Variants in CTDSPL2 observed in about 807,000 individuals in gnomAD.
CTDSPL2 encodes the protein CTD small phosphatase-like protein 2.
A neutral mutation model predicts 60.0 loss-of-function variants in CTDSPL2; 5 were observed. That is an observed-to-expected ratio of 0.08 (90% CI 0.04 to 0.18). The LOEUF is 0.18. Among genes scored for constraint, CTDSPL2 ranks in the 10% least tolerant of loss-of-function variants. CTDSPL2 has a pLI of 1.00. For synonymous variants in CTDSPL2, 186 were observed against 189.3 expected (o/e 0.98, Z 0.14); for missense variants, 370 against 548.8 (o/e 0.67, Z 3.26).
intron 1 of CTDSPL2, among the ~76,000 whole-genome samples, chr15:44,432,213 C>T (rs1408714361): frequency 6.6e-6 from 1 of 151,782 alleles, no homozygotes; most frequent in Admixed American, 6.6e-5. Context: ...AATTGTAAGA[C>T]CTTAAAGACA....
rs1300733174 is a variant in CTDSPL2, at chr15:44,529,017, A to G, written c.*4843A>G. ...TACCTCACAGGGTTGTTGTGGGGAT[A>G]AATAAAACTTTTATGGAAGCACTTC... On this transcript the variant is annotated 3_prime_UTR_variant, in exon 13 of 13. Transcript: ENST00000260327. 2 of 152,224 alleles carry G rather than the reference A, an allele frequency of 1.3e-5. No individual in the cohort carries two copies. Among genetic ancestry groups the G allele is most frequent in the African/African-American group, 2.4e-5 (1 of 41,460 alleles). 9.4% of individuals were successfully genotyped at this position (152,224 alleles called of 1,614,324 possible). A position where few individuals can be genotyped will look rare whatever the true frequency, so the allele number is the denominator to read the frequency against.
intron 1 of CTDSPL2, among the ~76,000 whole-genome samples, chr15:44,429,963 A>G (rs1044308540): frequency 6.6e-6 from 1 of 152,224 alleles, no homozygotes; most frequent in African/African-American, 2.4e-5. Context: ...TAGGAATGTC[A>G]GGGTTTGTAT....
At chr15:44,498,923 G>A (rs2081344742) in intron 7 of CTDSPL2, among the ~76,000 whole-genome samples, 1 of 152,088 alleles carries the variant, frequency 6.6e-6, no homozygotes, top group Non-Finnish European at 1.5e-5. Context: ...AAAGTAAGAT[G>A]CTTTATAAAA....
intron 1 of CTDSPL2, among the ~76,000 whole-genome samples, chr15:44,451,202 T>G (rs1195181017): frequency 6.6e-6 from 1 of 152,056 alleles, no homozygotes; most frequent in Non-Finnish European, 1.5e-5. Context: ...CAGGCTCAAG[T>G]GATCTTCTCT....
chr15:44,512,431 T>A (rs2081582395), intron 8 of CTDSPL2, among the ~76,000 whole-genome samples: 1 of 152,172 alleles, frequency 6.6e-6, no homozygotes, highest in East Asian at 1.9e-4. Context: ...TTCTGATAGT[T>A]TATAGTTTAT....
chr15:44,503,356 A>G (rs1218991260), intron 8 of CTDSPL2: 1 of 152,156 alleles, frequency 6.6e-6, no homozygotes, highest in African/African-American at 2.4e-5. Context: ...TATTTAGCCT[A>G]TATTGGCACT....
chr15:44,495,749 C>T (rs2081288577), intron 5 of CTDSPL2, among the ~76,000 whole-genome samples: 1 of 151,850 alleles, frequency 6.6e-6, no homozygotes, highest in Admixed American at 6.6e-5. Context: ...GCCAGACCAA[C>T]ATGGAGAAAC....
intron 1 of CTDSPL2, chr15:44,449,130 C>T (rs1453004963): frequency 3.2e-6 from 1 of 316,056 alleles, no homozygotes; most frequent in African/African-American, 2.3e-5. Context: ...ATTTAAGATA[C>T]TAGGTGGGAT....
intron 1 of CTDSPL2, among the ~76,000 whole-genome samples, chr15:44,440,188 T>C (rs1471468141): frequency 6.6e-6 from 1 of 150,402 alleles, no homozygotes; most frequent in African/African-American, 2.5e-5. Flanking sequence ...TTTTTGTTTG[T>C]TTGTTTTTGT....
intron 1 of CTDSPL2, among the ~76,000 whole-genome samples, chr15:44,454,647 C>G (rs2080397511): frequency 6.6e-6 from 1 of 152,174 alleles, no homozygotes; most frequent in Non-Finnish European, 1.5e-5. Flanking sequence ...CTACATATGG[C>G]TAGCCAGTTT....
intron 12 of CTDSPL2, among the ~76,000 whole-genome samples, chr15:44,523,388 CTACATACATACA>C (rs61461067): frequency 0.14 from 20,511 of 144,986 alleles, 1,855 homozygotes; most frequent in East Asian, 0.23. Context: ...GACCTCATCT[CTACATACATACA>C]TACATACATA....
intron 8 of CTDSPL2, among the ~76,000 whole-genome samples, chr15:44,503,132 G>T (rs1277293164): frequency 6.6e-6 from 1 of 152,088 alleles, no homozygotes; most frequent in Non-Finnish European, 1.5e-5. Flanking sequence ...TCATTTGAAA[G>T]AACCGACTTG....
At chr15:44,434,637 C>T (rs559218706) in intron 1 of CTDSPL2, among the ~76,000 whole-genome samples, 112 of 152,312 alleles carry the variant, frequency 7.4e-4, no homozygotes, top group Non-Finnish European at 1.4e-3. Flanking sequence ...CAAGTGACCT[C>T]TTCCTAGGTG....
chr15:44,486,940 T>C (rs2081132077), intron 4 of CTDSPL2, among the ~76,000 whole-genome samples: 2 of 152,052 alleles, frequency 1.3e-5, no homozygotes, highest in African/African-American at 2.4e-5. Flanking sequence ...ATATTTTTTG[T>C]ATTTTTGGTT....
intron 1 of CTDSPL2, among the ~76,000 whole-genome samples, chr15:44,441,806 G>A (rs550095105): frequency 1.3e-5 from 2 of 152,282 alleles, no homozygotes; most frequent in African/African-American, 2.4e-5. Flanking sequence ...AGCCTAGGCA[G>A]AACCCAGTTA....
In CTDSPL2 at chr15:44,459,195, C is replaced by G. The variant is rs749949827; in HGVS notation, c.181C>G (p.Pro61Ala). ...TAAAAAATTTATTAAAGGAAGCACA[C>G]CTAAGGTAATGATTTTACCATATAC... ...SIKKFIKGST[P>A]KEERENPSKR... Residue 61 changes from proline (P) to alanine (A), a missense_variant, in exon 2 of 13, where the codon CCT becomes GCT. Pro to Ala is a conservative substitution (Grantham distance 27, BLOSUM62 -1). Transcript: ENST00000260327. 1.3e-6 allele frequency: 2 copies of G among 1,599,636 alleles called. No homozygotes were observed. Among genetic ancestry groups the G allele is most frequent in the South Asian group, 2.2e-5 (2 of 89,274 alleles).
In CTDSPL2 at chr15:44,514,680, T is replaced by C. The variant is rs1295365896; in HGVS notation, c.1032+20T>C. 6.3e-7 allele frequency: 1 copy of C among 1,576,136 alleles called. No homozygotes were observed. ...TATGAGGTAAACATGCTTAAGCTAA[T>C]TACATATGTATTTTTATTTTATTCA... is the stretch of plus-strand genomic sequence containing the variant. On this transcript the variant is annotated intron_variant, in intron 9 of 12. Transcript: ENST00000260327.
At chr15:44,493,921 A>G (rs2081256311) in intron 5 of CTDSPL2, among the ~76,000 whole-genome samples, 1 of 152,198 alleles carries the variant, frequency 6.6e-6, no homozygotes, top group Non-Finnish European at 1.5e-5. Flanking sequence ...AGATGAAAAA[A>G]AATTCTGCTT....
chr15:44,479,302 TA>T (rs1441447122), intron 2 of CTDSPL2, among the ~76,000 whole-genome samples: 1 of 151,972 alleles, frequency 6.6e-6, no homozygotes, highest in Non-Finnish European at 1.5e-5. Flanking sequence ...CCTTGTAGTA[TA>T]GTCTTTATTT....
Sources: allele counts gnomAD v4.1 joint callset (sites outside exome capture counted in the v4.1 genomes callset), GRCh38; gene constraint gnomAD v4.1.1; transcripts MANE v1.5; gene names NCBI Gene and HGNC (gene_info 2026-07-23, HGNC 2026-07-21).